LUZP2: variants seen among roughly 807,000 people sequenced by gnomAD.
LUZP2 encodes the protein leucine zipper protein 2.
LUZP2 carries 52 observed loss-of-function variants against 51.6 expected under a neutral mutation model. The observed-to-expected ratio is 1.01, with a 90% CI of 0.81 to 1.27. LUZP2 has a LOEUF of 1.27. Among genes scored for constraint, LUZP2 ranks in the 50% most tolerant of loss-of-function variants. LUZP2 has a pLI of 0.00. For missense variants in LUZP2, 436 were observed against 395.4 expected (o/e 1.10, Z -0.87); for synonymous variants, 154 against 137.3 (o/e 1.12, Z -0.85).
At chr11:24,931,623 A>G (rs1197832315) in intron 7 of LUZP2, among the ~76,000 whole-genome samples, 2 of 152,092 alleles carry the variant, frequency 1.3e-5, no homozygotes, top group African/African-American at 4.8e-5. Flanking sequence ...CTTTTTCCAT[A>G]TCCTTAGACT....
At chr11:25,074,113 G>A (rs985356505) in intron 10 of LUZP2, among the ~76,000 whole-genome samples, 2 of 152,104 alleles carry the variant, frequency 1.3e-5, no homozygotes, top group African/African-American at 4.8e-5. Context: ...AATTTGTCTT[G>A]CCTTCCTTCA....
chr11:24,813,268 G>GC (rs1850074340), intron 5 of LUZP2, among the ~76,000 whole-genome samples: 1 of 152,026 alleles, frequency 6.6e-6, no homozygotes, highest in Non-Finnish European at 1.5e-5. Context: ...TTATATTCCT[G>GC]CCACTTCCTA....
chr11:24,672,715 T>G (rs1210599881), intron 1 of LUZP2, among the ~76,000 whole-genome samples: 1 of 152,242 alleles, frequency 6.6e-6, no homozygotes. Flanking sequence ...TACACACACC[T>G]AGAAGGTATA....
intron 7 of LUZP2, among the ~76,000 whole-genome samples, chr11:24,930,457 A>G (rs1049193238): frequency 2.0e-5 from 3 of 152,174 alleles, no homozygotes; most frequent in African/African-American, 2.4e-5. Context: ...TGTTTGTCTG[A>G]AAAAGATTCA....
intron 9 of LUZP2, among the ~76,000 whole-genome samples, chr11:24,988,610 T>C (rs1362685338): frequency 6.6e-6 from 1 of 152,068 alleles, no homozygotes; most frequent in South Asian, 2.1e-4. Context: ...GACTATGTAA[T>C]GTGGTCCTTT....
chr11:24,664,739 G>A lies in LUZP2; in HGVS notation c.63-64430G>A, dbSNP rs535858701. ...AAGCCCTAAGCCTTGGCACTTATAT[G>A]TGGTGTTGGGCCTGTGGGTGCACAG... On this transcript the variant is annotated intron_variant, in intron 1 of 11. Coordinates refer to ENST00000336930, the MANE Select transcript of LUZP2 (RefSeq NM_001009909.4). Among the ~76,000 whole-genome samples the A allele has an allele frequency of 4.3e-3, 649 of 152,296 alleles. 1 individual carries two copies. Among genetic ancestry groups the A allele is most frequent in the Non-Finnish European group, 6.8e-3 (463 of 68,022 alleles).
At chr11:25,067,205 T>A (rs1310211977) in intron 10 of LUZP2, among the ~76,000 whole-genome samples, 3 of 152,058 alleles carry the variant, frequency 2.0e-5, no homozygotes, top group Non-Finnish European at 4.4e-5. Context: ...TTTGTTCATA[T>A]CCTTTGGCCA....
intron 1 of LUZP2, among the ~76,000 whole-genome samples, chr11:24,521,381 G>T (rs1850638110): frequency 6.6e-6 from 1 of 150,768 alleles, no homozygotes; most frequent in African/African-American, 2.4e-5. Flanking sequence ...TGGGGGTGGG[G>T]TGGGGTAAGA....
At chr11:25,040,125 AATAAT>A (rs1478868832) in intron 9 of LUZP2, among the ~76,000 whole-genome samples, 2 of 152,090 alleles carry the variant, frequency 1.3e-5, no homozygotes, top group Admixed American at 6.6e-5. Flanking sequence ...AGAAGAATAA[AATAAT>A]ATATTTGGCA....
At position 24,944,649 on chromosome 11, in the gene LUZP2, G is replaced by A. The variant is rs576746401; in HGVS notation, c.522+30111G>A. On this transcript the variant is annotated intron_variant, in intron 7 of 11. Transcript: ENST00000336930. ...AGATTTGAACTCAAGATTGGAAGGA[G>A]AAGTAGCAATGCAGTTGCAAGGATT... Among the ~76,000 whole-genome samples, 3 of 152,258 alleles carry A rather than the reference G, an allele frequency of 2.0e-5. No homozygotes were observed. The South Asian group carries it at 6.2e-4, about 32-fold the overall frequency.
chr11:25,028,685 T>C lies in LUZP2; in HGVS notation c.766-21353T>C, dbSNP rs951160150. Among the ~76,000 whole-genome samples the C allele has an allele frequency of 1.1e-4, 16 of 141,832 alleles. 1 individual carries two copies. The highest frequency in any genetic ancestry group is 1.9e-4 in the Non-Finnish European group (13 of 67,848). The allele number at this position is 141,832 out of a possible 152,430, so 93.0% of individuals were successfully genotyped here. A position where few individuals can be genotyped will look rare whatever the true frequency, so the allele number is the denominator to read the frequency against. ...GTAGAATTATGTACCATTTTTAATTTGCATGTTTTTTTTTTTTACTTTCTT... is the reference window on the plus strand; with the variant it reads ...GTAGAATTATGTACCATTTTTAATTCGCATGTTTTTTTTTTTTACTTTCTT... On this transcript the variant is annotated intron_variant, in intron 9 of 11. Transcript: ENST00000336930.
chr11:24,796,976 A>G (rs1849565907), intron 5 of LUZP2, among the ~76,000 whole-genome samples: 1 of 152,102 alleles, frequency 6.6e-6, no homozygotes, highest in South Asian at 2.1e-4. Flanking sequence ...ACAGGGGTTC[A>G]GGCTTTCCAG....
intron 5 of LUZP2, among the ~76,000 whole-genome samples, chr11:24,868,132 A>G (rs1565020567): frequency 6.6e-6 from 1 of 152,168 alleles, no homozygotes; most frequent in Non-Finnish European, 1.5e-5. Flanking sequence ...TCACCTCAGA[A>G]TATGGCTTAT....
rs1020169549 is a variant in LUZP2 at position 24,733,209 on chromosome 11, T to A, written c.251+1021T>A. On this transcript the variant is annotated intron_variant, in intron 3 of 11. Coordinates refer to ENST00000336930, the MANE Select transcript of LUZP2 (RefSeq NM_001009909.4). Reference sequence around the variant, plus strand: ...TGTTTTACATGGACTCTTATTATTATTTATAGTGACATGTTTATTATTTAT... The same window carrying A: ...TGTTTTACATGGACTCTTATTATTAATTATAGTGACATGTTTATTATTTAT... Among the ~76,000 whole-genome samples, 4 of 151,850 alleles carry A rather than the reference T, an allele frequency of 2.6e-5. No individual in the cohort carries two copies. In the East Asian group the frequency reaches 7.7e-4, roughly 29 times the overall value.
Position 24,971,690 on chromosome 11 carries a change from C to T in LUZP2, c.523-4901C>T, listed in dbSNP as rs556420728. On this transcript the variant is annotated intron_variant, in intron 7 of 11. Transcript: ENST00000336930. ...TATGGCTACTCTGTATGATTTAATC[C>T]AGTACCTAATCCTTTCCAAACTGGA... Among the ~76,000 whole-genome samples the T allele has an allele frequency of 5.9e-5, 9 of 152,084 alleles. No individual in the cohort carries two copies. In the South Asian group the frequency reaches 1.9e-3, roughly 32 times the overall value.
At chr11:24,575,221 A>G (rs1852604512) in intron 1 of LUZP2, among the ~76,000 whole-genome samples, 2 of 152,188 alleles carry the variant, frequency 1.3e-5, no homozygotes, top group Admixed American at 1.3e-4. Context: ...GAAGAAAAGA[A>G]GGAAGAGTAA....
intron 5 of LUZP2, among the ~76,000 whole-genome samples, chr11:24,843,451 T>C (rs568447108): frequency 6.6e-6 from 1 of 152,280 alleles, no homozygotes; most frequent in South Asian, 2.1e-4. Flanking sequence ...ATTAATGTTG[T>C]AAAAATTGTA....
chr11:24,750,953 A>C (rs1859559103), intron 4 of LUZP2, among the ~76,000 whole-genome samples: 1 of 152,206 alleles, frequency 6.6e-6, no homozygotes, highest in South Asian at 2.1e-4. Context: ...TAATCAAAAT[A>C]TATGGAAAGT....
intron 1 of LUZP2, among the ~76,000 whole-genome samples, chr11:24,601,112 A>G (rs1853619471): frequency 6.6e-6 from 1 of 152,122 alleles, no homozygotes; most frequent in Non-Finnish European, 1.5e-5. Flanking sequence ...AGAAAGACTT[A>G]AAGTGTGAGA....
Sources: gnomAD v4.1 joint callset for allele counts (sites outside exome capture counted in the v4.1 genomes callset) on GRCh38, gnomAD v4.1.1 for gene constraint, MANE v1.5 for transcripts, NCBI Gene and HGNC (gene_info 2026-07-23, HGNC 2026-07-21) for gene names.